ATL2: variants seen among roughly 807,000 people sequenced by gnomAD.
ATL2 encodes the protein atlastin-2.
In ATL2, 31 loss-of-function variants were observed where a neutral mutation model predicts 73.9. The ratio of observed to expected loss-of-function variants is 0.42; its 90% confidence interval spans 0.32 to 0.57. ATL2 has a LOEUF of 0.57. Ranked by LOEUF, ATL2 falls within the 20% of genes least tolerant of loss-of-function variation. The pLI is 0.14. For missense variants in ATL2, 738 were observed against 702.6 expected, an observed-to-expected ratio of 1.05 and a Z score of -0.57; for synonymous variants, 291 against 237.5, an observed-to-expected ratio of 1.23 and a Z score of -2.07.
intron 2 of ATL2, among the ~76,000 whole-genome samples, chr2:38,319,249 C>G (rs1054398076): frequency 3.3e-5 from 5 of 152,174 alleles, no homozygotes; most frequent in African/African-American, 1.2e-4. Context: ...TCAGCTCACA[C>G]TACTACTCTC....
At chr2:38,335,706 TAAG>T (rs991867988) in intron 2 of ATL2, among the ~76,000 whole-genome samples, 2 of 152,148 alleles carry the variant, frequency 1.3e-5, no homozygotes, top group African/African-American at 4.8e-5. Flanking sequence ...CTGGCTATAT[TAAG>T]GTTTATACAC....
intron 9 of ATL2, among the ~76,000 whole-genome samples, chr2:38,305,855 C>T (rs954376642): frequency 2.0e-5 from 3 of 151,834 alleles, no homozygotes; most frequent in Admixed American, 1.3e-4. Flanking sequence ...AACAACCTAA[C>T]CATACATCTT....
In ATL2 at chr2:38,315,409, G is replaced by C; in HGVS notation, c.604-75C>G. ...ACCCAGCTTCTGTATAACTTTACTT[G>C]TGGAAAAAAGGTTATTTTGTATCTC... is the stretch of plus-strand genomic sequence containing the variant. On this transcript the variant is annotated intron_variant, in intron 4 of 12. Coordinates refer to ENST00000378954, the MANE Select transcript of ATL2 (RefSeq NM_001135673.4). 1.4e-6 allele frequency: 2 copies of C among 1,420,162 alleles called. 1 individual carries two copies. Among genetic ancestry groups the C allele is most frequent in the South Asian group, 2.9e-5 (2 of 69,696 alleles). The allele number at this position is 1,420,162 out of a possible 1,614,324, so 88.0% of individuals were successfully genotyped here.
intron 9 of ATL2, among the ~76,000 whole-genome samples, chr2:38,308,752 AAAATT>A (rs986811267): frequency 6.6e-6 from 1 of 152,138 alleles, no homozygotes; most frequent in Non-Finnish European, 1.5e-5. Context: ...ACAAAAATTA[AAAATT>A]AAAAGTAAAA....
chr2:38,375,261 C>A (rs72789384), intron 1 of ATL2, among the ~76,000 whole-genome samples: 69 of 152,160 alleles, frequency 4.5e-4, no homozygotes, highest in Non-Finnish European at 9.1e-4. Context: ...CAGTCTGTTT[C>A]TTCTCACTTT....
At chr2:38,314,494 C>A in intron 6 of ATL2, 114 bp downstream of exon 6, 1 of 665,396 alleles carries the variant, frequency 1.5e-6, no homozygotes, top group Non-Finnish European at 2.6e-6. Flanking sequence ...TGCACTGAAT[C>A]TGTTGCTAGC....
intron 11 of ATL2, 110 bp from the exon 12 acceptor site, chr2:38,298,685 C>A: frequency 9.0e-7 from 1 of 1,116,744 alleles, no homozygotes; most frequent in South Asian, 1.6e-5. Flanking sequence ...ATGATTGAGT[C>A]AGTTTTAAAC....
At chr2:38,311,198 T>C (rs1667740434) in intron 7 of ATL2, among the ~76,000 whole-genome samples, 2 of 152,058 alleles carry the variant, frequency 1.3e-5, no homozygotes, top group Admixed American at 6.6e-5. Context: ...TAAAAAAAAT[T>C]ACAGTGCAGT....
chr2:38,298,206 A>T lies in ATL2; in HGVS notation c.1570T>A (p.Ser524Thr), dbSNP rs746287300. ...FLCTWAYVKYSGEFREIGTVI... is the reference protein window; with the variant it reads ...FLCTWAYVKYTGEFREIGTVI... ...GTTCCAATTTCTCTGAACTCCCCAG[A>T]GTATTTAACATATGCCCAAGTACAA... is the stretch of plus-strand genomic sequence containing the variant. Residue 524 changes from serine to threonine, a missense_variant, in exon 12 of 13, where the codon TCT becomes ACT. Coordinates refer to ENST00000378954, the MANE Select transcript of ATL2 (RefSeq NM_001135673.4). 6.2e-7 allele frequency: 1 copy of T among 1,614,142 alleles called. No homozygotes were observed. Among genetic ancestry groups the T allele is most frequent in the Non-Finnish European group, 8.5e-7 (1 of 1,179,962 alleles).
intron 1 of ATL2, among the ~76,000 whole-genome samples, chr2:38,361,242 T>A (rs1375796889): frequency 6.7e-6 from 1 of 148,448 alleles, no homozygotes; most frequent in African/African-American, 2.5e-5. Flanking sequence ...TAGTCCCAGC[T>A]ACTAGGGAGG....
chr2:38,375,436 G>C (rs1352282468), intron 1 of ATL2, among the ~76,000 whole-genome samples: 1 of 152,156 alleles, frequency 6.6e-6, no homozygotes, highest in Non-Finnish European at 1.5e-5. Context: ...AAACCTATGA[G>C]TAGCAGACAA....
rs1667057973 is a variant in ATL2, at chr2:38,299,180, A to C, written c.1200+76T>G. Reference sequence around the variant, plus strand: ...GCACAAATTCGCTCAATTATTTAAAAAATTTTTTTAATTTTTTTTTTTTTA... The same window carrying C: ...GCACAAATTCGCTCAATTATTTAAACAATTTTTTTAATTTTTTTTTTTTTA... On this transcript the variant is annotated intron_variant, in intron 11 of 12. Coordinates refer to ENST00000378954, the MANE Select transcript of ATL2 (RefSeq NM_001135673.4). 3 of 1,347,524 alleles carry C rather than the reference A, an allele frequency of 2.2e-6. No individual in the cohort carries two copies. In the South Asian group the frequency reaches 5.3e-5, roughly 24 times the overall value. The allele number at this position is 1,347,524 out of a possible 1,614,324, so 83.5% of individuals were successfully genotyped here. A position where few individuals can be genotyped will look rare whatever the true frequency, so the allele number is the denominator to read the frequency against.
chr2:38,342,963 C>G (rs896647190), intron 2 of ATL2, among the ~76,000 whole-genome samples: 2 of 149,988 alleles, frequency 1.3e-5, no homozygotes, highest in Non-Finnish European at 3.0e-5. Flanking sequence ...AAGTGAGACC[C>G]CCATAGCTAC....
At chr2:38,321,246 T>A (rs1453710716) in intron 2 of ATL2, among the ~76,000 whole-genome samples, 1 of 152,158 alleles carries the variant, frequency 6.6e-6, no homozygotes, top group African/African-American at 2.4e-5. Context: ...TCAAACCATC[T>A]TTAATTATTA....
intron 2 of ATL2, among the ~76,000 whole-genome samples, chr2:38,325,484 T>C (rs1477114852): frequency 6.6e-6 from 1 of 152,058 alleles, no homozygotes; most frequent in African/African-American, 2.4e-5. Context: ...CCCACTTTCC[T>C]GAATATTATC....
Position 38,313,166 on chromosome 2 carries a change from A to T in ATL2, c.789T>A (p.Leu263=), listed in dbSNP as rs759268835. Residue 263 remains leucine (L), a synonymous_variant, in exon 7 of 13, where the codon CTT becomes CTA. Transcript: ENST00000378954. ...SYGLEGGKQF[L]EKRLQVKQNQ... ...AGGGTCTTACCTGTAATCTCTTTTC[A>T]AGAAATTGCTTTCCACCTTCCAAAC... 41 of 1,612,222 alleles carry T rather than the reference A, an allele frequency of 2.5e-5. 1 individual carries two copies. The South Asian group carries it at 4.5e-4, about 18-fold the overall frequency.
intron 12 of ATL2, 24 bp from the exon 13 acceptor site, chr2:38,296,137 A>C: frequency 2.0e-6 from 3 of 1,527,536 alleles, no homozygotes; most frequent in Non-Finnish European, 2.6e-6. Context: ...AATGTGCAAA[A>C]CAAACAAAAA....
intron 1 of ATL2, among the ~76,000 whole-genome samples, chr2:38,374,819 AC>A (rs1312699433): frequency 5.9e-5 from 9 of 152,240 alleles, no homozygotes; most frequent in Non-Finnish European, 1.5e-5. Flanking sequence ...CAAGAAAGTT[AC>A]TTATACTTGT....
At chr2:38,321,132 C>G (rs1002448079) in intron 2 of ATL2, among the ~76,000 whole-genome samples, 7 of 152,102 alleles carry the variant, frequency 4.6e-5, no homozygotes, top group Non-Finnish European at 7.4e-5. Context: ...GAGATCGCAC[C>G]ACTGCGCTCC....
Sources: gnomAD v4.1 joint callset for allele counts (sites outside exome capture counted in the v4.1 genomes callset) on GRCh38, gnomAD v4.1.1 for gene constraint, MANE v1.5 for transcripts, NCBI Gene and HGNC (gene_info 2026-07-23, HGNC 2026-07-21) for gene names.